The following TMEM117 variants were observed in gnomAD, a reference collection of about 807,000 sequenced individuals.
The protein encoded by TMEM117 is transmembrane protein 117.
TMEM117 carries 27 observed loss-of-function variants against 52.4 expected under a neutral mutation model. That is an observed-to-expected ratio of 0.51 (90% CI 0.38 to 0.71). The LOEUF is 0.71. Among genes scored for constraint, TMEM117 ranks in the 30% least tolerant of loss-of-function variants. The pLI, the probability that TMEM117 is intolerant of heterozygous loss-of-function variation, is 0.00. For missense variants in TMEM117, 556 were observed against 630.5 expected (o/e 0.88, Z 1.26); for synonymous variants, 215 against 206.3 (o/e 1.04, Z -0.36).
intron 2 of TMEM117, among the ~76,000 whole-genome samples, chr12:43,943,481 A>T (rs1217674969): frequency 2.6e-5 from 4 of 152,176 alleles, no homozygotes; most frequent in African/African-American, 7.2e-5. Flanking sequence ...TGTTCATCTT[A>T]ATATATGTTT....
chr12:43,806,075 G>T, the TMEM117 span: 3 of 1,517,472 alleles, frequency 2.0e-6, no homozygotes, highest in African/African-American at 4.2e-5. Context: ...GCAGGAGCGC[G>T]GAGAGGCGCC....
At chr12:44,064,873 C>T (rs1299804868) in intron 3 of TMEM117, among the ~76,000 whole-genome samples, 1 of 151,962 alleles carries the variant, frequency 6.6e-6, no homozygotes, top group East Asian at 1.9e-4. Flanking sequence ...GTGATAATTG[C>T]TAGGAGTAGA....
At position 43,962,583 on chromosome 12, in the gene TMEM117, T is replaced by C. The variant is rs191376475; in HGVS notation, c.410+18241T>C. ...GTATTGGATTTTGATATATATTTTG[T>C]AGCCTACATAGTTTAATTCTCTCTC... On this transcript the variant is annotated intron_variant, in intron 3 of 7. Transcript: ENST00000266534. Among the ~76,000 whole-genome samples the C allele has an allele frequency of 1.8e-3, 270 of 152,332 alleles. 2 individuals are homozygous for C. Among genetic ancestry groups the C allele is most frequent in the Non-Finnish European group, 4.3e-4 (29 of 68,028 alleles).
the TMEM117 span, among the ~76,000 whole-genome samples, chr12:43,805,308 CAA>C: frequency 3.3e-5 from 5 of 151,638 alleles, no homozygotes; most frequent in African/African-American, 1.2e-4. Context: ...ATAAATAAAA[CAA>C]AGTTTTCAGA....
chr12:43,978,912 T>C (rs192224728), intron 3 of TMEM117, among the ~76,000 whole-genome samples: 2 of 151,500 alleles, frequency 1.3e-5, no homozygotes, highest in Non-Finnish European at 2.9e-5. Context: ...TGTTGGGGAA[T>C]GTTTAGTAGG....
the TMEM117 span, among the ~76,000 whole-genome samples, chr12:44,395,467 GAAT>G: frequency 7.9e-5 from 12 of 152,148 alleles, no homozygotes; most frequent in Admixed American, 2.0e-4. Flanking sequence ...ACTTGTACCA[GAAT>G]AATATTTCTG....
intron 2 of TMEM117, among the ~76,000 whole-genome samples, chr12:43,891,890 A>T (rs1326933752): frequency 2.6e-5 from 4 of 151,984 alleles, no homozygotes; most frequent in Admixed American, 2.0e-4. Context: ...AGTTTGCAAA[A>T]CTGTCCCGTG....
At chr12:44,321,427 G>C (rs1951127774) in intron 6 of TMEM117, among the ~76,000 whole-genome samples, 2 of 152,296 alleles carry the variant, frequency 1.3e-5, no homozygotes, top group Admixed American at 6.5e-5. Context: ...CGTGTATTAT[G>C]AAGCAAGCTA....
chr12:44,049,661 A>G (rs1266958679), intron 3 of TMEM117, among the ~76,000 whole-genome samples: 2 of 152,054 alleles, frequency 1.3e-5, no homozygotes, highest in Non-Finnish European at 2.9e-5. Flanking sequence ...TGCTATATTT[A>G]TGTGTTAAGA....
chr12:43,963,305 A>G (rs1945433827), intron 3 of TMEM117, among the ~76,000 whole-genome samples: 1 of 152,104 alleles, frequency 6.6e-6, no homozygotes. Flanking sequence ...TACTTTTATT[A>G]GAGAATTTGA....
intron 2 of TMEM117, among the ~76,000 whole-genome samples, chr12:43,870,527 G>T (rs997624412): frequency 6.6e-6 from 1 of 151,964 alleles, no homozygotes; most frequent in African/African-American, 2.4e-5. Flanking sequence ...CCAAAGTGCT[G>T]GGTTTACAGG....
intron 4 of TMEM117, among the ~76,000 whole-genome samples, chr12:44,156,283 A>G (rs930073080): frequency 6.6e-6 from 1 of 152,056 alleles, no homozygotes; most frequent in African/African-American, 2.4e-5. Context: ...TGTACTTAAT[A>G]TGCATTGTGG....
intron 5 of TMEM117, among the ~76,000 whole-genome samples, chr12:44,241,435 T>G (rs1950060478): frequency 6.6e-6 from 1 of 151,982 alleles, no homozygotes; most frequent in African/African-American, 2.4e-5. Flanking sequence ...TTTTTCTTAC[T>G]TTGAATGAGA....
chr12:44,060,326 T>C (rs540413371), intron 3 of TMEM117, among the ~76,000 whole-genome samples: 1 of 152,302 alleles, frequency 6.6e-6, no homozygotes, highest in Admixed American at 6.5e-5. Flanking sequence ...TTGGGGCAAC[T>C]GTAGAAGGAT....
intron 3 of TMEM117, among the ~76,000 whole-genome samples, chr12:44,023,565 C>G (rs1009000697): frequency 6.6e-6 from 1 of 152,102 alleles, no homozygotes; most frequent in Non-Finnish European, 1.5e-5. Context: ...TCGCATTTCT[C>G]TGATGGCCAG....
chr12:43,886,296 G>A (rs1211311930), intron 2 of TMEM117, among the ~76,000 whole-genome samples: 2 of 152,092 alleles, frequency 1.3e-5, no homozygotes, highest in Admixed American at 6.6e-5. Flanking sequence ...GCTAGAGATG[G>A]AGGAAATATC....
intron 3 of TMEM117, among the ~76,000 whole-genome samples, chr12:43,952,994 A>G (rs1945249742): frequency 6.6e-6 from 1 of 152,194 alleles, no homozygotes; most frequent in Non-Finnish European, 1.5e-5. Context: ...AATATTCAAC[A>G]TTCTTAAAGA....
chr12:44,006,516 A>G (rs1045935289), intron 3 of TMEM117, among the ~76,000 whole-genome samples: 3 of 152,132 alleles, frequency 2.0e-5, no homozygotes, highest in Non-Finnish European at 2.9e-5. Context: ...AGCTTTTAAT[A>G]CTGTCTCTAA....
intron 5 of TMEM117, among the ~76,000 whole-genome samples, chr12:44,236,199 G>GAGAGAGAT (rs745767822): frequency 5.3e-5 from 8 of 151,908 alleles, no homozygotes; most frequent in Admixed American, 6.6e-5. Flanking sequence ...GAGAGAGAGA[G>GAGAGAGAT]AGAGAGAGCG....
Sources: allele counts gnomAD v4.1 joint callset (sites outside exome capture counted in the v4.1 genomes callset), GRCh38; gene constraint gnomAD v4.1.1; transcripts MANE v1.5; gene names NCBI Gene and HGNC (gene_info 2026-07-23, HGNC 2026-07-21).